ZNF217: variants seen among roughly 807,000 people sequenced by gnomAD.
The protein encoded by ZNF217 is zinc finger protein 217.
Under a neutral mutation model 73.3 loss-of-function variants are expected in ZNF217, and 12 were observed. The observed-to-expected ratio is 0.16, with a 90% CI of 0.10 to 0.27. The LOEUF (loss-of-function observed/expected upper bound fraction) is 0.27, where lower values mean the gene tolerates loss of function less well. ZNF217 is among the 10% of genes least tolerant of loss of function. The pLI is 1.00. For synonymous variants in ZNF217, 588 were observed against 516.4 expected, an observed-to-expected ratio of 1.14 and a Z score of -1.88; for missense variants, 1,195 against 1,327.8, an observed-to-expected ratio of 0.90 and a Z score of 1.55.
intron 1 of ZNF217, among the ~76,000 whole-genome samples, chr20:53,590,112 T>A (rs1988829666): frequency 1.3e-5 from 2 of 152,202 alleles, no homozygotes; most frequent in African/African-American, 4.8e-5. Context: ...AACTATTCTG[T>A]TTTTAGATTT....
Position 53,582,710 on chromosome 20 carries a change from T to A in ZNF217, c.117A>T (p.Ser39=), listed in dbSNP as rs774836232. Residue 39 remains serine (S), a synonymous_variant, in exon 2 of 6, where the codon TCA becomes TCT. Coordinates refer to ENST00000371471, the MANE Select transcript of ZNF217 (RefSeq NM_006526.3). This position sits in a 1 kb window ranked among gnomAD's most constrained non-coding sequence, Gnocchi z 4.8. ...GSPMEMEDAL[S]MKGTAVVPFR... ...ATGGAACAACAGCGGTCCCTTTCATTGACAAGGCATCCTCCATCTCCATCG... is the reference window on the plus strand; with the variant it reads ...ATGGAACAACAGCGGTCCCTTTCATAGACAAGGCATCCTCCATCTCCATCG... The A allele has an allele frequency of 6.2e-7, 1 of 1,614,220 alleles. No individual in the cohort carries two copies.
chr20:53,590,792 G>A (rs1988852486), intron 1 of ZNF217, among the ~76,000 whole-genome samples: 2 of 152,096 alleles, frequency 1.3e-5, no homozygotes, highest in African/African-American at 2.4e-5. Context: ...GCAATGAGGA[G>A]ATAGAAGGAC....
At chr20:53,585,719 C>T (rs569358173) in intron 1 of ZNF217, among the ~76,000 whole-genome samples, 30 of 152,192 alleles carry the variant, frequency 2.0e-4, no homozygotes, top group African/African-American at 5.5e-4. Flanking sequence ...TATTTCACTG[C>T]GGTGAAGGAC....
At chr20:53,593,584 G>A (rs966350952) in intron 1 of ZNF217, among the ~76,000 whole-genome samples, 172 bp downstream of exon 1, 12 of 151,996 alleles carry the variant, frequency 7.9e-5, no homozygotes, top group Admixed American at 6.5e-4. Context: ...GCAGGAGCCG[G>A]CTGGGGAGGG....
chr20:53,573,912 A>C (rs961003938), intron 4 of ZNF217, among the ~76,000 whole-genome samples: 1 of 152,092 alleles, frequency 6.6e-6, no homozygotes, highest in African/African-American at 2.4e-5. Flanking sequence ...CTCTACTAAA[A>C]ATACAAAAAT....
intron 4 of ZNF217, chr20:53,575,447 T>C (rs562783723): frequency 4.4e-5 from 14 of 317,612 alleles, no homozygotes; most frequent in Admixed American, 9.1e-5. Context: ...CACTCCAATC[T>C]AGATGACGGA....
At position 53,576,484 on chromosome 20, in the gene ZNF217, C is replaced by A; in HGVS notation, c.2280G>T (p.Leu760Phe). Reference sequence around the variant, plus strand: ...AGAGGGGAGGCACATCTTTTCCCAGCAACGCTGGCGGGCATCCGGTACGTC... The same window carrying A: ...AGAGGGGAGGCACATCTTTTCCCAGAAACGCTGGCGGGCATCCGGTACGTC... ...RSRRTGCPPALLGKDVPPLSS... is the reference protein window; with the variant it reads ...RSRRTGCPPAFLGKDVPPLSS... The change falls in exon 4 of 6, where the codon TTG (leucine) becomes TTT (phenylalanine). Residue 760 changes from leucine to phenylalanine, a missense_variant. This residue lies in a region of ZNF217 where 649 missense variants were observed against 642.8 expected (regional missense o/e 1.01). Coordinates refer to ENST00000371471, the MANE Select transcript of ZNF217 (RefSeq NM_006526.3). The A allele has an allele frequency of 6.2e-7, 1 of 1,614,250 alleles. No individual in the cohort carries two copies. The highest frequency in any genetic ancestry group is 1.1e-5 in the South Asian group (1 of 91,086).
rs772373321 is a variant in ZNF217, at chr20:53,569,180, A to AT, written c.*107dup. 7.4e-7 allele frequency: 1 copy of AT among 1,348,020 alleles called. No individual in the cohort carries two copies. The highest frequency in any genetic ancestry group is 1.5e-5 in the African/African-American group (1 of 67,730). 83.5% of individuals were successfully genotyped at this position (1,348,020 alleles called of 1,614,324 possible). A position where few individuals can be genotyped will look rare whatever the true frequency, so the allele number is the denominator to read the frequency against. On this transcript the variant is annotated 3_prime_UTR_variant, in exon 6 of 6. Coordinates refer to ENST00000371471, the MANE Select transcript of ZNF217 (RefSeq NM_006526.3). ...TTTATGTACAGTACAATCACAGCTT[A>AT]TTTCAGTAGCTTTCACCATTCGCTT... is the stretch of plus-strand genomic sequence containing the variant.
intron 4 of ZNF217, among the ~76,000 whole-genome samples, chr20:53,573,514 G>C (rs1988109315): frequency 6.6e-6 from 1 of 152,188 alleles, no homozygotes; most frequent in African/African-American, 2.4e-5. Context: ...GAGTGCAACA[G>C]TGCAATCTAG....
intron 4 of ZNF217, among the ~76,000 whole-genome samples, chr20:53,573,937 G>A (rs1182287393): frequency 1.3e-5 from 2 of 152,030 alleles, no homozygotes; most frequent in African/African-American, 4.8e-5. Context: ...CTGGCGTGGC[G>A]GTGGGTGCCT....
chr20:53,578,531 CAT>C (rs1988371520), intron 2 of ZNF217, 81 bp from the exon 3 acceptor site: 1 of 865,558 alleles, frequency 1.2e-6, no homozygotes, highest in Non-Finnish European at 1.7e-6. Context: ...ATATTCTTGA[CAT>C]AAACATTTTT....
Position 53,581,391 on chromosome 20 carries a change from TAG to T in ZNF217, c.1366+68_1366+69del. The T allele has an allele frequency of 6.6e-7, 1 of 1,519,080 alleles. No individual in the cohort carries two copies. Among genetic ancestry groups the T allele is most frequent in the Admixed American group, 2.1e-5 (1 of 48,410 alleles). The allele number at this position is 1,519,080 out of a possible 1,614,324, so 94.1% of individuals were successfully genotyped here. On this transcript the variant is annotated intron_variant, in intron 2 of 5. Coordinates refer to ENST00000371471, the MANE Select transcript of ZNF217 (RefSeq NM_006526.3). This position sits in a 1 kb window ranked among gnomAD's most constrained non-coding sequence, Gnocchi z 4.9. ...GGCCAGCGTTGTCTGGAGATGGGAA[TAG>T]AGAGGGGGAGACGGGGAGACAGACA...
chr20:53,574,102 T>C (rs1988137384), intron 4 of ZNF217, among the ~76,000 whole-genome samples: 2 of 152,082 alleles, frequency 1.3e-5, no homozygotes, highest in Non-Finnish European at 2.9e-5. Flanking sequence ...TCGTTATTTA[T>C]AATACCTAAT....
rs1568682628 is a variant in ZNF217 at position 53,576,346 on chromosome 20, T to A, written c.2418A>T (p.Ser806=). The A allele has an allele frequency of 6.2e-7, 1 of 1,614,198 alleles. No homozygotes were observed. ...PPGPGKAPLT[S]GIDSSTLAPS... ...GGGCTAAAGTGCTAGAGTCTATCCC[T>A]GAAGTCAGAGGGGCCTTGCCTGGCC... Residue 806 remains serine, a synonymous_variant, in exon 4 of 6, where the codon TCA becomes TCT. Coordinates refer to ENST00000371471, the MANE Select transcript of ZNF217 (RefSeq NM_006526.3).
intron 1 of ZNF217, among the ~76,000 whole-genome samples, chr20:53,586,031 C>G (rs200915771): frequency 7.2e-5 from 11 of 152,276 alleles, no homozygotes; most frequent in South Asian, 4.1e-4. Context: ...CCCTACCCCC[C>G]CAAAGTATTG....
chr20:53,588,587 C>T (rs1568691615), intron 1 of ZNF217, among the ~76,000 whole-genome samples: 1 of 52,376 alleles, frequency 1.9e-5, no homozygotes, highest in Non-Finnish European at 3.3e-5. Context: ...TGTATACACA[C>T]ATCTATCTAT....
chr20:53,589,502 CTGGCTAGCGGGGGCTTCCCCCCTATT>C (rs1221389588), intron 1 of ZNF217, among the ~76,000 whole-genome samples: 1 of 152,222 alleles, frequency 6.6e-6, no homozygotes, highest in Non-Finnish European at 1.5e-5. Flanking sequence ...GTGGCGGCAG[CTGGCTAGCGGGGGCTTCCCCCCTATT>C]TATCTGGAAG....
chr20:53,585,686 C>CT (rs1322096058), intron 1 of ZNF217, among the ~76,000 whole-genome samples: 1 of 152,200 alleles, frequency 6.6e-6, no homozygotes, highest in Non-Finnish European at 1.5e-5. Context: ...TACCATCACT[C>CT]TCCACACAAG....
intron 1 of ZNF217, among the ~76,000 whole-genome samples, chr20:53,587,152 C>A (rs1988725184): frequency 6.6e-6 from 1 of 152,148 alleles, no homozygotes; most frequent in African/African-American, 2.4e-5. Flanking sequence ...GGGATTATTT[C>A]AGTAGATACT....
Sources: gnomAD v4.1 joint callset for allele counts (sites outside exome capture counted in the v4.1 genomes callset) on GRCh38, gnomAD v4.1.1 for gene constraint, gnomAD v4.1.1 regional missense constraint, Gnocchi (gnomAD v3.1) non-coding constraint, MANE v1.5 for transcripts, NCBI Gene and HGNC (gene_info 2026-07-23, HGNC 2026-07-21) for gene names.